ROBO1: variants seen among roughly 807,000 people sequenced by gnomAD.
The protein encoded by ROBO1 is roundabout homolog 1.
In ROBO1, 149 loss-of-function variants were observed where a neutral mutation model predicts 195.9. The observed-to-expected ratio is 0.76, with a 90% CI of 0.67 to 0.87. The LOEUF is 0.87. Ranked by LOEUF, ROBO1 falls within the 40% of genes least tolerant of loss-of-function variation. The pLI is 0.00. For missense variants in ROBO1, 1,933 were observed against 2,068.3 expected (o/e 0.93, Z 1.27); for synonymous variants, 816 against 733.2 (o/e 1.11, Z -1.82).
At chr3:79,625,960 A>G (rs1472963307) in intron 1 of ROBO1, among the ~76,000 whole-genome samples, 3 of 152,318 alleles carry the variant, frequency 2.0e-5, no homozygotes, top group Admixed American at 6.5e-5. Flanking sequence ...GATCCTCAAT[A>G]AAATACTGGC....
chr3:79,252,402 C>T (rs773712605), intron 2 of ROBO1, among the ~76,000 whole-genome samples: 1 of 152,026 alleles, frequency 6.6e-6, no homozygotes, highest in Non-Finnish European at 1.5e-5. Context: ...ATTTGAAGAT[C>T]GGACTTAAGC....
intron 2 of ROBO1, among the ~76,000 whole-genome samples, chr3:79,307,228 T>C (rs2033262427): frequency 6.6e-6 from 1 of 152,140 alleles, no homozygotes; most frequent in African/African-American, 2.4e-5. Context: ...CATCTCAGTG[T>C]ATCTGAGCCC....
intron 2 of ROBO1, among the ~76,000 whole-genome samples, chr3:79,432,514 C>T (rs1224773176): frequency 6.6e-6 from 1 of 152,070 alleles, no homozygotes; most frequent in African/African-American, 2.4e-5. Context: ...AATCATGAGG[C>T]ATTTAAAAAT....
chr3:79,678,756 G>A (rs1259796622), intron 1 of ROBO1, among the ~76,000 whole-genome samples: 1 of 152,014 alleles, frequency 6.6e-6, no homozygotes, highest in Non-Finnish European at 1.5e-5. Context: ...TACCACAAAG[G>A]AGCACGGATT....
At chr3:78,816,960 T>A (rs1410989152) in intron 4 of ROBO1, among the ~76,000 whole-genome samples, 1 of 149,306 alleles carries the variant, frequency 6.7e-6, no homozygotes, top group African/African-American at 2.5e-5. Context: ...AGTGTGCACA[T>A]GTACCCTAGA....
intron 4 of ROBO1, among the ~76,000 whole-genome samples, chr3:78,835,751 A>T (rs1209914273): frequency 6.6e-6 from 1 of 152,198 alleles, no homozygotes; most frequent in Non-Finnish European, 1.5e-5. Flanking sequence ...ATCTCAATGT[A>T]GTAAGACCGC....
At chr3:78,791,640 C>T (rs333506) in intron 4 of ROBO1, among the ~76,000 whole-genome samples, 100,837 of 152,008 alleles carry the variant, frequency 0.66, 34,717 homozygotes, top group South Asian at 0.8. Context: ...TTCGTATCTG[C>T]GTCTGCTGAT....
chr3:78,680,318 CA>C (rs2080865033), intron 10 of ROBO1, among the ~76,000 whole-genome samples: 1 of 152,090 alleles, frequency 6.6e-6, no homozygotes, highest in South Asian at 2.1e-4. Flanking sequence ...CAACAAAAGT[CA>C]AAATTGACAA....
intron 2 of ROBO1, among the ~76,000 whole-genome samples, chr3:79,443,184 G>A (rs1302332031): frequency 6.6e-6 from 1 of 152,094 alleles, no homozygotes; most frequent in Non-Finnish European, 1.5e-5. Flanking sequence ...GTGACTAGAG[G>A]AGAAAAATTA....
At chr3:79,460,920 T>C (rs1937615742) in intron 2 of ROBO1, among the ~76,000 whole-genome samples, 1 of 152,006 alleles carries the variant, frequency 6.6e-6, no homozygotes, top group Non-Finnish European at 1.5e-5. Context: ...GCTAATTTTT[T>C]TGTATTTTTA....
At chr3:79,027,142 T>C (rs1282103004) in intron 3 of ROBO1, among the ~76,000 whole-genome samples, 2 of 152,134 alleles carry the variant, frequency 1.3e-5, no homozygotes. Flanking sequence ...TTCATGCTTT[T>C]GGCATTTCAT....
At chr3:78,825,403 C>T (rs1268395129) in intron 4 of ROBO1, among the ~76,000 whole-genome samples, 1 of 152,100 alleles carries the variant, frequency 6.6e-6, no homozygotes, top group Non-Finnish European at 1.5e-5. Context: ...AAACAGGTAG[C>T]TGATGACCTT....
chr3:79,735,865 C>G (rs1375868689), intron 1 of ROBO1, among the ~76,000 whole-genome samples: 1 of 122,692 alleles, frequency 8.2e-6, no homozygotes, highest in Admixed American at 8.7e-5. Context: ...AGAGAGACTC[C>G]GTCTCAAAAA....
intron 2 of ROBO1, among the ~76,000 whole-genome samples, chr3:79,311,210 C>CA (rs1391940342): frequency 7.2e-5 from 11 of 151,948 alleles, no homozygotes; most frequent in African/African-American, 2.7e-4. Context: ...TTACTAGGAT[C>CA]AACAAAAAGA....
chr3:79,657,746 C>A (rs1038283599), intron 1 of ROBO1, among the ~76,000 whole-genome samples: 1 of 151,968 alleles, frequency 6.6e-6, no homozygotes, highest in African/African-American at 2.4e-5. Flanking sequence ...AACTTATATT[C>A]TTAGAAATAA....
At chr3:78,860,942 A>G (rs751583553) in intron 4 of ROBO1, among the ~76,000 whole-genome samples, 20 of 151,980 alleles carry the variant, frequency 1.3e-4, no homozygotes, top group Non-Finnish European at 2.8e-4. Flanking sequence ...CCTCATTTTC[A>G]TATGTGGTTT....
chr3:78,950,177 T>G (rs2040693478), intron 3 of ROBO1, among the ~76,000 whole-genome samples: 1 of 152,030 alleles, frequency 6.6e-6, no homozygotes, highest in African/African-American at 2.4e-5. Flanking sequence ...ACCCAAAGGA[T>G]TATAAATCAT....
intron 1 of ROBO1, among the ~76,000 whole-genome samples, chr3:79,650,268 T>G (rs1220491302): frequency 6.6e-6 from 1 of 151,750 alleles, no homozygotes; most frequent in Non-Finnish European, 1.5e-5. Context: ...ATAAAATGTA[T>G]AATCATATAG....
At chr3:79,605,505 A>C (rs1944454996) in intron 1 of ROBO1, among the ~76,000 whole-genome samples, 1 of 151,586 alleles carries the variant, frequency 6.6e-6, no homozygotes, top group Non-Finnish European at 1.5e-5. Flanking sequence ...TCTTGATTAA[A>C]TCTTTCCCTT....
Sources: allele counts gnomAD v4.1 joint callset (sites outside exome capture counted in the v4.1 genomes callset), GRCh38; gene constraint gnomAD v4.1.1; transcripts MANE v1.5; gene names NCBI Gene and HGNC (gene_info 2026-07-23, HGNC 2026-07-21).